The following LRRC8B variants were observed in gnomAD, a reference collection of about 807,000 sequenced individuals.
LRRC8B encodes leucine rich repeat containing 8 VRAC subunit B.
LRRC8B carries 23 observed loss-of-function variants against 58.8 expected under a neutral mutation model. The observed-to-expected ratio is 0.39, with a 90% CI of 0.28 to 0.55. The LOEUF (loss-of-function observed/expected upper bound fraction) is 0.55. Ranked by LOEUF, LRRC8B falls within the 20% of genes least tolerant of loss-of-function variation. LRRC8B has a pLI of 0.62. For synonymous variants in LRRC8B, 359 were observed against 374.1 expected, an observed-to-expected ratio of 0.96 and a Z score of 0.47; for missense variants, 694 against 936.0, an observed-to-expected ratio of 0.74 and a Z score of 3.37.
chr1:89,578,098 TAATAC>T (rs1329316046), intron 3 of LRRC8B, among the ~76,000 whole-genome samples: 2 of 152,148 alleles, frequency 1.3e-5, no homozygotes, highest in Non-Finnish European at 2.9e-5. Context: ...ACATAAAGAG[TAATAC>T]TATTTATTTC....
At chr1:89,543,560 A>G (rs1241862410) in intron 1 of LRRC8B, among the ~76,000 whole-genome samples, 2 of 151,728 alleles carry the variant, frequency 1.3e-5, no homozygotes, top group Admixed American at 6.6e-5. Context: ...CAGTGGCACA[A>G]TCTCAGCTCA....
chr1:89,587,826 T>G (rs965769402), intron 5 of LRRC8B: 3 of 152,178 alleles, frequency 2.0e-5, no homozygotes, highest in Non-Finnish European at 4.4e-5. Context: ...ACAAAGTAAG[T>G]CAGGCAGCAG....
At chr1:89,572,362 T>C (rs1343696963) in intron 3 of LRRC8B, 1 of 152,242 alleles carries the variant, frequency 6.6e-6, no homozygotes, top group Non-Finnish European at 1.5e-5. Flanking sequence ...TGAGGTTCTC[T>C]GCACTTCCTG....
At chr1:89,540,726 G>A (rs1333172172) in intron 1 of LRRC8B, among the ~76,000 whole-genome samples, 1 of 152,218 alleles carries the variant, frequency 6.6e-6, no homozygotes, top group Admixed American at 6.5e-5. Flanking sequence ...GTTTTGGGAA[G>A]TAACACTGGC....
intron 1 of LRRC8B, among the ~76,000 whole-genome samples, chr1:89,529,823 CA>C (rs1240230479): frequency 3.3e-5 from 5 of 152,166 alleles, no homozygotes; most frequent in Non-Finnish European, 5.9e-5. Context: ...GACCCACTCT[CA>C]GAAGCTAAAC....
intron 5 of LRRC8B, among the ~76,000 whole-genome samples, chr1:89,585,242 C>A (rs1015734620): frequency 9.9e-5 from 15 of 152,128 alleles, no homozygotes; most frequent in Admixed American, 2.6e-4. Flanking sequence ...TTCATAAATC[C>A]TTTTTGTGAT....
chr1:89,569,384 T>C (rs552231024), intron 3 of LRRC8B, among the ~76,000 whole-genome samples: 2 of 152,210 alleles, frequency 1.3e-5, no homozygotes, highest in East Asian at 1.9e-4. Context: ...ATGACACTGA[T>C]GTTGGGAGTA....
chr1:89,553,733 CTA>C (rs1342008426), intron 1 of LRRC8B, among the ~76,000 whole-genome samples: 3 of 152,142 alleles, frequency 2.0e-5, no homozygotes, highest in Admixed American at 2.0e-4. Flanking sequence ...TAAAGCGTAA[CTA>C]TTTTTCTACT....
intron 2 of LRRC8B, 37 bp from the exon 3 acceptor site, chr1:89,568,402 C>T (rs768133765): frequency 2.6e-5 from 4 of 152,012 alleles, no homozygotes; most frequent in African/African-American, 4.8e-5. Context: ...TCCTATGATG[C>T]GTAAAATATA....
Position 89,552,032 on chromosome 1 carries a change from CAGCAGTATGTCTGCTTTGTCTGCAGAGT to C in LRRC8B, c.-240-16210_-240-16183del, listed in dbSNP as rs1651862569. 2.6e-5 allele frequency among the ~76,000 whole-genome samples: 4 copies of C among 152,214 alleles called. No homozygotes were observed. In the South Asian group the frequency reaches 8.3e-4, roughly 32 times the overall value. On this transcript the variant is annotated intron_variant, in intron 1 of 5. Coordinates refer to ENST00000330947, the MANE Select transcript of LRRC8B (RefSeq NM_001369817.2). Reference sequence around the variant, plus strand: ...TTTTACATTTCATTCTTATACAGAGCAGCAGTATGTCTGCTTTGTCTGCAGAGTAGCACTAATATTCAGATTTGCATTG... The same window carrying C: ...TTTTACATTTCATTCTTATACAGAGCAGCACTAATATTCAGATTTGCATTG...
intron 1 of LRRC8B, among the ~76,000 whole-genome samples, chr1:89,529,949 G>A (rs1649987211): frequency 6.6e-6 from 1 of 152,008 alleles, no homozygotes; most frequent in African/African-American, 2.4e-5. Context: ...GAGCAAAAAT[G>A]CACATGTTCC....
chr1:89,568,081 T>G (rs1183520493), intron 1 of LRRC8B, among the ~76,000 whole-genome samples, 166 bp from the exon 2 acceptor site: 2 of 152,150 alleles, frequency 1.3e-5, no homozygotes, highest in African/African-American at 2.4e-5. Context: ...GCATAGATAC[T>G]TTCAGTTTGT....
intron 4 of LRRC8B, among the ~76,000 whole-genome samples, chr1:89,581,786 T>C (rs565717096): frequency 2.6e-5 from 4 of 152,370 alleles, no homozygotes; most frequent in African/African-American, 9.6e-5. Context: ...TTCTTTCTTA[T>C]TCTTTTTTAA....
chr1:89,567,983 A>G (rs757453811), intron 1 of LRRC8B, among the ~76,000 whole-genome samples: 17 of 152,182 alleles, frequency 1.1e-4, no homozygotes, highest in Non-Finnish European at 2.5e-4. Flanking sequence ...GCATAATTGT[A>G]TAAAACGAGT....
At chr1:89,563,342 AC>A (rs780175427) in intron 1 of LRRC8B, among the ~76,000 whole-genome samples, 4 of 152,262 alleles carry the variant, frequency 2.6e-5, no homozygotes, top group Non-Finnish European at 5.9e-5. Flanking sequence ...GTCATATCAG[AC>A]CTGTCTGCAG....
At chr1:89,525,834 A>C (rs768978628) in intron 1 of LRRC8B, among the ~76,000 whole-genome samples, 2 of 152,206 alleles carry the variant, frequency 1.3e-5, no homozygotes, top group Admixed American at 1.3e-4. Flanking sequence ...ACTTCCTTGA[A>C]TAAATTCACT....
At chr1:89,564,576 T>C (rs1226506137) in intron 1 of LRRC8B, among the ~76,000 whole-genome samples, 2 of 152,164 alleles carry the variant, frequency 1.3e-5, no homozygotes, top group Non-Finnish European at 1.5e-5. Context: ...AGGTACACAG[T>C]AAGTGTTATC....
chr1:89,585,264 G>A (rs1346489492), intron 5 of LRRC8B, among the ~76,000 whole-genome samples: 3 of 152,148 alleles, frequency 2.0e-5, no homozygotes, highest in African/African-American at 4.8e-5. Flanking sequence ...TGGTGAAAAA[G>A]ATTTGAAATC....
chr1:89,531,255 G>T (rs552440689), intron 1 of LRRC8B, among the ~76,000 whole-genome samples: 97 of 152,262 alleles, frequency 6.4e-4, no homozygotes, highest in African/African-American at 2.2e-3. Context: ...TTCCCTGAAG[G>T]TTTGATAATT....
Sources: allele counts gnomAD v4.1 joint callset (sites outside exome capture counted in the v4.1 genomes callset), GRCh38; gene constraint gnomAD v4.1.1; transcripts MANE v1.5; gene names NCBI Gene and HGNC (gene_info 2026-07-23, HGNC 2026-07-21).